Variants in NCOR2 observed in about 807,000 individuals in gnomAD.
NCOR2 encodes CTG repeat protein 26.
In NCOR2, 81 loss-of-function variants were observed where a neutral mutation model predicts 262.9. The ratio of observed to expected loss-of-function variants is 0.31; its 90% CI spans 0.26 to 0.37. The LOEUF (loss-of-function observed/expected upper bound fraction) is 0.37. NCOR2 is among the 10% of genes least tolerant of loss of function. The pLI, the probability that NCOR2 is intolerant of heterozygous loss-of-function variation, is 1.00. For missense variants in NCOR2, 3,385 were observed against 3,621.4 expected (o/e 0.93, Z 1.68); for synonymous variants, 1,659 against 1,559.3 (o/e 1.06, Z -1.51).
At chr12:124,340,077 G>A (rs943348842) in exon 37 of NCOR2, 1 of 1,613,054 alleles carries the variant, frequency 6.2e-7, no homozygotes, top group Non-Finnish European at 8.5e-7. Flanking sequence ...GAAGCACACT[G>A]GGTCTCTGCT....
chr12:124,505,570 G>A lies in NCOR2; in HGVS notation c.-117-10202C>T, dbSNP rs991846595. Among the ~76,000 whole-genome samples, 5 of 152,198 alleles carry A rather than the reference G, an allele frequency of 3.3e-5. No individual in the cohort carries two copies. The South Asian group carries it at 6.2e-4, about 19-fold the overall frequency. ...CACTGCCATTCCAAAGGGCTCCCAC[G>A]TGCTGATCAATTCCAAATCCCAACT... On this transcript the variant is annotated intron_variant, in intron 1 of 46. Coordinates refer to the NCOR2 transcript ENST00000404621.
At chr12:124,500,344 C>A (rs941180) in intron 1 of NCOR2, among the ~76,000 whole-genome samples, 137,812 of 152,184 alleles carry the variant, frequency 0.91, 62,649 homozygotes, top group Admixed American at 0.96. Flanking sequence ...CCATGCCTGC[C>A]AGGAGGTAGC....
intron 28 of NCOR2, among the ~76,000 whole-genome samples, chr12:124,349,523 C>G (rs751157876): frequency 6.6e-6 from 1 of 152,140 alleles, no homozygotes; most frequent in African/African-American, 2.4e-5. Context: ...CCTGGCTGAC[C>G]GGTGGCCGCA....
chr12:124,544,795 G>T (rs1278209046), intron 1 of NCOR2, among the ~76,000 whole-genome samples: 1 of 152,096 alleles, frequency 6.6e-6, no homozygotes, highest in Admixed American at 6.6e-5. Context: ...CCCCAAATGG[G>T]CCTGAGACCC....
At chr12:124,408,965 C>T (rs1452198551) in intron 13 of NCOR2, among the ~76,000 whole-genome samples, 1 of 152,166 alleles carries the variant, frequency 6.6e-6, no homozygotes, top group Admixed American at 6.5e-5. Context: ...CACGTTGTCA[C>T]GTGGCACTGG....
intron 6 of NCOR2, among the ~76,000 whole-genome samples, chr12:124,450,735 C>A (rs1217067054): frequency 6.6e-6 from 1 of 152,226 alleles, no homozygotes; most frequent in Admixed American, 6.5e-5. Flanking sequence ...TGCCACGTGT[C>A]CCCTCCCAGA....
intron 34 of NCOR2, 54 bp downstream of exon 36, chr12:124,341,769 T>C (rs2036482282): frequency 7.7e-6 from 12 of 1,555,760 alleles, no homozygotes; most frequent in East Asian, 2.3e-5. Context: ...GGCACGCCCA[T>C]GTCCTTTGGG....
At chr12:124,393,655 C>T (rs911103066) in intron 16 of NCOR2, among the ~76,000 whole-genome samples, 17 of 152,246 alleles carry the variant, frequency 1.1e-4, no homozygotes, top group African/African-American at 4.1e-4. Flanking sequence ...CATGCCAACC[C>T]CATTCCTACT....
chr12:124,377,002 C>T (rs1226884200), intron 18 of NCOR2, among the ~76,000 whole-genome samples: 1 of 152,228 alleles, frequency 6.6e-6, no homozygotes, highest in African/African-American at 2.4e-5. Flanking sequence ...TCTAGACCCC[C>T]AGCTTCCCCT....
Position 124,508,265 on chromosome 12 carries a change from C to G in NCOR2, c.-117-12897G>C, listed in dbSNP as rs550457737. Among the ~76,000 whole-genome samples, 42 of 152,384 alleles carry G rather than the reference C, an allele frequency of 2.8e-4. 1 individual carries two copies. Among genetic ancestry groups the G allele is most frequent in the Middle Eastern group, 3.4e-3 (1 of 294 alleles). On this transcript the variant is annotated intron_variant, in intron 1 of 46. Coordinates refer to the NCOR2 transcript ENST00000404621. ...GTCCAATGCTCAGAAGTGGACGCAT[C>G]TGGGCCATTCAATTACCCCAGGGGC...
rs756301191 is a variant in NCOR2 at position 124,443,221 on chromosome 12, C to A, written c.816-5225G>T. The stretch of plus-strand genomic sequence containing the variant: ...CTGTCACTGCAGCTGGAAAACGACT[C>A]GGTGAGCATGAGGCCTCGGGGTGGT... On this transcript the variant is annotated intron_variant, in intron 7 of 46. Coordinates refer to ENST00000405201, the Ensembl canonical transcript of NCOR2. This position sits in a 1 kb window ranked among gnomAD's most constrained non-coding sequence, Gnocchi z 4.4. 6.6e-6 allele frequency among the ~76,000 whole-genome samples: 1 copy of A among 152,218 alleles called. No individual in the cohort carries two copies. The highest frequency in any genetic ancestry group is 1.5e-5 in the Non-Finnish European group (1 of 68,038).
intron 27 of NCOR2, 124 bp from the exon 30 acceptor site, chr12:124,350,861 C>T (rs1054498645): frequency 2.0e-6 from 2 of 1,000,366 alleles, no homozygotes; most frequent in Admixed American, 2.8e-5. Flanking sequence ...TCCACACACA[C>T]ACTGTCTCAA....
intron 5 of NCOR2, among the ~76,000 whole-genome samples, chr12:124,460,180 G>A (rs867701759): frequency 1.3e-5 from 2 of 152,312 alleles, no homozygotes; most frequent in Middle Eastern, 6.8e-3. Flanking sequence ...AGGACTCCAT[G>A]AGGAGCAAGG....
intron 8 of NCOR2, among the ~76,000 whole-genome samples, chr12:124,431,257 C>T (rs1027589224): frequency 1.3e-5 from 2 of 151,638 alleles, no homozygotes; most frequent in Non-Finnish European, 2.9e-5. Context: ...TACAGGCACA[C>T]ACAAGTCACA....
At chr12:124,383,996 G>A (rs2040603833) in intron 17 of NCOR2, among the ~76,000 whole-genome samples, 1 of 152,134 alleles carries the variant, frequency 6.6e-6, no homozygotes, top group Admixed American at 6.5e-5. Context: ...AGACGTCCAT[G>A]GTCGTGGGGT....
chr12:124,362,358 G>A, intron 21 of NCOR2, 61 bp from the exon 24 acceptor site: 2 of 1,321,570 alleles, frequency 1.5e-6, no homozygotes, highest in East Asian at 5.3e-5. Context: ...CAGGGTCAGG[G>A]AGAGACATGC....
upstream of NCOR2, among the ~76,000 whole-genome samples, chr12:124,536,298 A>T (rs2051112707): frequency 6.6e-6 from 1 of 152,040 alleles, no homozygotes; most frequent in Admixed American, 6.6e-5. Flanking sequence ...GGCTGGTTTC[A>T]AACTCCTGAG....
chr12:124,544,907 A>G (rs1046341528), intron 1 of NCOR2, among the ~76,000 whole-genome samples: 15 of 152,132 alleles, frequency 9.9e-5, no homozygotes, highest in African/African-American at 3.6e-4. Flanking sequence ...AACGGAGGCA[A>G]TTATATTAGG....
At chr12:124,398,055 C>CA in intron 16 of NCOR2, 64 bp downstream of exon 18, 1 of 1,587,676 alleles carries the variant, frequency 6.3e-7, no homozygotes, top group Non-Finnish European at 8.6e-7. Flanking sequence ...CCCTCCCCAG[C>CA]ACGTGAGCTT....
Sources: gnomAD v4.1 joint callset for allele counts (sites outside exome capture counted in the v4.1 genomes callset) on GRCh38, gnomAD v4.1.1 for gene constraint, Gnocchi (gnomAD v3.1) non-coding constraint, MANE v1.5 for transcripts, NCBI Gene and HGNC (gene_info 2026-07-23, HGNC 2026-07-21) for gene names.